Variants in SMURF1 observed in about 807,000 individuals in gnomAD.
SMURF1 encodes the protein E3 ubiquitin-protein ligase SMURF1.
In SMURF1, 44 loss-of-function variants were observed where a neutral mutation model predicts 98.0. The ratio of observed to expected loss-of-function variants is 0.45; its 90% confidence interval spans 0.35 to 0.58. The LOEUF (loss-of-function observed/expected upper bound fraction) is 0.58, where lower values mean the gene tolerates loss of function less well. Ranked by LOEUF, SMURF1 falls within the 20% of genes least tolerant of loss-of-function variation. The pLI, the probability that SMURF1 is intolerant of heterozygous loss-of-function variation, is 0.00. For missense variants in SMURF1, 687 were observed against 938.4 expected (o/e 0.73, Z 3.50); for synonymous variants, 396 against 374.9 (o/e 1.06, Z -0.65).
intron 1 of SMURF1, among the ~76,000 whole-genome samples, chr7:99,107,616 G>A (rs562109880): frequency 6.6e-5 from 10 of 152,274 alleles, no homozygotes; most frequent in South Asian, 2.1e-4. Flanking sequence ...AAAGTTGAGC[G>A]TCAACCTCCA....
At chr7:99,139,690 A>C (rs1367027838) in intron 1 of SMURF1, among the ~76,000 whole-genome samples, 1 of 152,186 alleles carries the variant, frequency 6.6e-6, no homozygotes, top group South Asian at 2.1e-4. Flanking sequence ...TCTTTAACAA[A>C]AGATCACTTG....
At chr7:99,086,374 C>G (rs374401460) in intron 1 of SMURF1, among the ~76,000 whole-genome samples, 23 of 147,220 alleles carry the variant, frequency 1.6e-4, no homozygotes, top group African/African-American at 5.4e-4. Flanking sequence ...GAAAGAAATA[C>G]CACTTCCCAC....
chr7:99,126,697 T>C (rs548513345), intron 1 of SMURF1, among the ~76,000 whole-genome samples: 1 of 152,330 alleles, frequency 6.6e-6, no homozygotes, highest in Admixed American at 6.5e-5. Flanking sequence ...AATTAGAAAT[T>C]ATGTATACAG....
chr7:99,122,643 C>CAAA (rs200590592), intron 1 of SMURF1, among the ~76,000 whole-genome samples: 1 of 120,020 alleles, frequency 8.3e-6, no homozygotes, highest in Non-Finnish European at 1.6e-5. Context: ...GATTCCGTGT[C>CAAA]AAAAAAAAAA....
rs57973305 is a variant in SMURF1, at chr7:99,099,209, C to CTTT, written c.56-37375_56-37373dup. Among the ~76,000 whole-genome samples the CTTT allele has an allele frequency of 2.6e-3, 334 of 129,450 alleles. 3 individuals carry two copies. Among genetic ancestry groups the CTTT allele is most frequent in the African/African-American group, 9.2e-3 (318 of 34,444 alleles). The allele number at this position is 129,450 out of a possible 152,430, so 84.9% of individuals were successfully genotyped here. On this transcript the variant is annotated intron_variant, in intron 1 of 17. Coordinates refer to ENST00000361368, the MANE Select transcript of SMURF1 (RefSeq NM_181349.3). ...GGCAATGAGGAGCCAAACACTACTA[C>CTTT]TTTTTTTTTTTTTTTTTTTGGAAAG...
At chr7:99,099,385 C>T (rs1797024626) in intron 1 of SMURF1, among the ~76,000 whole-genome samples, 1 of 152,026 alleles carries the variant, frequency 6.6e-6, no homozygotes, top group Non-Finnish European at 1.5e-5. Flanking sequence ...GGGTCTAACA[C>T]ATAAAAGAGA....
chr7:99,042,813 G>T (rs1227646179), intron 11 of SMURF1, among the ~76,000 whole-genome samples: 1 of 152,198 alleles, frequency 6.6e-6, no homozygotes, highest in Non-Finnish European at 1.5e-5. Flanking sequence ...TAAGATAGCA[G>T]CTCCAAATTT....
At position 99,040,520 on chromosome 7, in the gene SMURF1, T is replaced by C. The variant is rs1332899963; in HGVS notation, c.1408A>G (p.Met470Val). Residue 470 changes from methionine to valine, a missense_variant, in exon 13 of 18, where the codon ATG becomes GTG. Met to Val is a conservative substitution (Grantham distance 21). This residue lies in a region of SMURF1 where 272 missense variants were observed against 430.0 expected (regional missense o/e 0.63). Transcript: ENST00000361368. ...LSYFHFVGRIMGLAVFHGHYI... is the reference protein window; with the variant it reads ...LSYFHFVGRIVGLAVFHGHYI... ...TGTCCATGGAACACAGCCAGCCCCATGATCCGCCCCACAAAGTGGAAATAA... is the reference window on the plus strand; with the variant it reads ...TGTCCATGGAACACAGCCAGCCCCACGATCCGCCCCACAAAGTGGAAATAA... 6.6e-7 allele frequency: 1 copy of C among 1,525,676 alleles called. No homozygotes were observed. The allele number at this position is 1,525,676 out of a possible 1,614,324, so 94.5% of individuals were successfully genotyped here.
chr7:99,129,297 A>ACAT (rs1313851088), intron 1 of SMURF1, among the ~76,000 whole-genome samples: 1 of 152,256 alleles, frequency 6.6e-6, no homozygotes, highest in Non-Finnish European at 1.5e-5. Context: ...ATTAGCTAAC[A>ACAT]CATATTGAAC....
intron 11 of SMURF1, among the ~76,000 whole-genome samples, chr7:99,044,523 T>C (rs1276575191): frequency 2.6e-5 from 4 of 152,160 alleles, no homozygotes; most frequent in Non-Finnish European, 5.9e-5. Flanking sequence ...ATCTTAACCT[T>C]GACAACATAA....
intron 1 of SMURF1, among the ~76,000 whole-genome samples, chr7:99,111,248 G>T (rs1022551443): frequency 2.0e-5 from 3 of 152,132 alleles, no homozygotes; most frequent in Admixed American, 6.5e-5. Context: ...CTAAAAAGAT[G>T]TTTATCCAAA....
In SMURF1 at chr7:99,061,831, C is replaced by T; in HGVS notation, c.62G>A (p.Cys21Tyr). 6.2e-7 allele frequency: 1 copy of T among 1,601,906 alleles called. No individual in the cohort carries two copies. Among genetic ancestry groups the T allele is most frequent in the Non-Finnish European group, 8.5e-7 (1 of 1,174,866 alleles). Residue 21 changes from cysteine to tyrosine, a missense_variant, in exon 2 of 18, where the codon TGT (cysteine) becomes TAT (tyrosine). This residue lies in a region of SMURF1 where 415 missense variants were observed against 508.4 expected (regional missense o/e 0.82). Transcript: ENST00000361368. ...GTCTTTCTTTGCAAGGTTCTTGGCA[C>T]ATAACACTAAAAACAAAGAAAAATT... ...SSIKIRLTVL[C>Y]AKNLAKKDFF...
At chr7:99,126,484 T>G (rs1320902952) in intron 1 of SMURF1, among the ~76,000 whole-genome samples, 1 of 151,810 alleles carries the variant, frequency 6.6e-6, no homozygotes, top group Non-Finnish European at 1.5e-5. Context: ...GGTGAAACCC[T>G]GTCTCTATTA....
intron 1 of SMURF1, among the ~76,000 whole-genome samples, chr7:99,076,841 ATGTG>A (rs1051075042): frequency 1.6e-5 from 1 of 62,426 alleles, no homozygotes; most frequent in East Asian, 4.2e-4. Flanking sequence ...GCCCATGTGT[ATGTG>A]TGTGCACGTG....
intron 1 of SMURF1, among the ~76,000 whole-genome samples, chr7:99,141,662 T>C (rs1360322085): frequency 2.0e-5 from 3 of 152,138 alleles, no homozygotes; most frequent in African/African-American, 7.2e-5. Context: ...TTGATATCTT[T>C]ATACAAAAAA....
chr7:99,118,267 A>G (rs973429878), intron 1 of SMURF1, among the ~76,000 whole-genome samples: 2 of 152,204 alleles, frequency 1.3e-5, no homozygotes, highest in African/African-American at 4.8e-5. Flanking sequence ...TAAATACAGA[A>G]TTCCATATGA....
At chr7:99,118,526 A>C (rs1797513974) in intron 1 of SMURF1, among the ~76,000 whole-genome samples, 1 of 152,262 alleles carries the variant, frequency 6.6e-6, no homozygotes, top group African/African-American at 2.4e-5. Context: ...ATGCCAAGTG[A>C]AAGAAACCAA....
intron 13 of SMURF1, among the ~76,000 whole-genome samples, chr7:99,039,346 TTTTC>T (rs1042562359): frequency 1.3e-5 from 2 of 151,738 alleles, no homozygotes; most frequent in African/African-American, 4.8e-5. Context: ...AAGATTTTCT[TTTTC>T]TTTCTTTTTT....
At chr7:99,063,241 T>A (rs7794901) in intron 1 of SMURF1, among the ~76,000 whole-genome samples, 2,717 of 33,552 alleles carry the variant, frequency 0.081, 170 homozygotes, top group East Asian at 0.13. Flanking sequence ...TAAGATTTAT[T>A]TATATATATA....
Sources: gnomAD v4.1 joint callset for allele counts (sites outside exome capture counted in the v4.1 genomes callset) on GRCh38, gnomAD v4.1.1 for gene constraint, gnomAD v4.1.1 regional missense constraint, MANE v1.5 for transcripts, NCBI Gene and HGNC (gene_info 2026-07-23, HGNC 2026-07-21) for gene names.